Variants in PUS10 observed in about 807,000 individuals in gnomAD.
PUS10 encodes the protein pseudouridine synthase 10, also known as tRNA pseudouridine synthase Pus10.
PUS10 carries 59 observed loss-of-function variants against 75.0 expected under a neutral mutation model. The observed-to-expected ratio is 0.79, with a 90% confidence interval of 0.64 to 0.98. PUS10 has a LOEUF of 0.98. Ranked by LOEUF, PUS10 falls within the 50% of genes least tolerant of loss-of-function variation. The probability of loss-of-function intolerance (pLI) is 0.00; values close to 1 mark genes in which losing one functional copy is unlikely to be tolerated. For missense variants in PUS10, 650 were observed against 614.4 expected (o/e 1.06, Z -0.61); for synonymous variants, 219 against 211.6 (o/e 1.03, Z -0.30).
intron 5 of PUS10, among the ~76,000 whole-genome samples, chr2:60,970,708 A>G (rs573753299): frequency 4.9e-4 from 75 of 152,314 alleles, no homozygotes; most frequent in African/African-American, 1.7e-3. Context: ...TCACATTTTA[A>G]AAATCCAAAA....
chr2:60,996,468 C>T (rs563150995), intron 4 of PUS10, among the ~76,000 whole-genome samples: 1 of 152,066 alleles, frequency 6.6e-6, no homozygotes, highest in South Asian at 2.1e-4. Context: ...ATCTTCTGAC[C>T]TTTAGTGATG....
intron 4 of PUS10, among the ~76,000 whole-genome samples, chr2:60,972,691 C>G (rs990567080): frequency 6.6e-6 from 1 of 152,088 alleles, no homozygotes; most frequent in Admixed American, 6.6e-5. Context: ...CAAAAAAAGG[C>G]CAACGATTAT....
chr2:61,013,932 C>T (rs978282104), intron 1 of PUS10, among the ~76,000 whole-genome samples: 3 of 150,552 alleles, frequency 2.0e-5, no homozygotes, highest in Non-Finnish European at 4.4e-5. Flanking sequence ...GAGTGAGATG[C>T]TGTCTCAAAA....
Position 60,992,626 on chromosome 2 carries a change from T to C in PUS10, c.468+13931A>G, listed in dbSNP as rs188150375. On this transcript the variant is annotated intron_variant, in intron 4 of 17. Coordinates refer to ENST00000316752, the MANE Select transcript of PUS10 (RefSeq NM_144709.4). Reference sequence around the variant, plus strand: ...TAAATTCTAAATAGAAATCACTTCATATTATGCTTCTTAATATAAGACTAA... The same window carrying C: ...TAAATTCTAAATAGAAATCACTTCACATTATGCTTCTTAATATAAGACTAA... Among the ~76,000 whole-genome samples the C allele has an allele frequency of 3.3e-5, 5 of 152,348 alleles. No individual in the cohort carries two copies. The East Asian group carries it at 9.6e-4, about 29-fold the overall frequency.
intron 9 of PUS10, 58 bp downstream of exon 9, chr2:60,962,767 TA>T: frequency 6.5e-7 from 1 of 1,542,960 alleles, no homozygotes; most frequent in African/African-American, 1.4e-5. Flanking sequence ...AGCTTATCTC[TA>T]ACATTCCCTT....
chr2:60,970,746 T>C (rs1216458087), intron 5 of PUS10, among the ~76,000 whole-genome samples: 4 of 152,206 alleles, frequency 2.6e-5, no homozygotes, highest in Admixed American at 2.6e-4. Flanking sequence ...ACTTTTGGCC[T>C]CCAAGTGTTT....
At position 60,940,646 on chromosome 2, in the gene PUS10, TA is replaced by T. The variant is rs1558842482; in HGVS notation, c.*1748del. ...TAGAAATCTTCTCATTTCAGTTTGC[TA>T]AGCACATTCTTCATTCTTACATATT... On this transcript the variant is annotated 3_prime_UTR_variant, in exon 18 of 18. Coordinates refer to ENST00000316752, the MANE Select transcript of PUS10 (RefSeq NM_144709.4). 5 of 152,458 alleles carry T rather than the reference TA, an allele frequency of 3.3e-5. No homozygotes were observed. In the South Asian group the frequency reaches 6.2e-4, roughly 19 times the overall value. 9.4% of individuals were successfully genotyped at this position (152,458 alleles called of 1,614,324 possible). A position where few individuals can be genotyped will look rare whatever the true frequency, so the allele number is the denominator to read the frequency against.
chr2:60,988,305 A>C lies in PUS10; in HGVS notation c.469-16748T>G, dbSNP rs1677850581. 2.0e-5 allele frequency among the ~76,000 whole-genome samples: 3 copies of C among 152,156 alleles called. No individual in the cohort carries two copies. In the South Asian group the frequency reaches 6.2e-4, roughly 31 times the overall value. On this transcript the variant is annotated intron_variant, in intron 4 of 17. Transcript: ENST00000316752. ...ACTGTTAGGTGTAAATTCTAATATT[A>C]ATTGCCAAAAAGAATATAAACTACT...
At chr2:60,967,313 G>A (rs150858426) in intron 6 of PUS10, 189 bp downstream of exon 6, 83 of 448,432 alleles carry the variant, frequency 1.9e-4, no homozygotes, top group South Asian at 6.1e-4. Context: ...GAAGTCTAAG[G>A]GAAAAAGAAA....
chr2:60,947,234 G>T (rs1675000752), intron 16 of PUS10, among the ~76,000 whole-genome samples: 1 of 151,948 alleles, frequency 6.6e-6, no homozygotes, highest in South Asian at 2.1e-4. Context: ...TTTTCACAAG[G>T]CACGTAGACA....
At position 60,955,034 on chromosome 2, in the gene PUS10, C is replaced by T; in HGVS notation, c.1041G>A (p.Val347=). ...CAGTCTTACCATTTCCTAATGTTCTCACATCTACATCTTCTCTTCCAGAGG... is the reference window on the plus strand; with the variant it reads ...CAGTCTTACCATTTCCTAATGTTCTTACATCTACATCTTCTCTTCCAGAGG... ...FSSSGREDVD[V]RTLGNGRPFA... is the part of the protein sequence containing the mutation. Residue 347 remains valine, a synonymous_variant, in exon 12 of 18, where the codon GTG becomes GTA. Transcript: ENST00000316752. 1 of 1,595,176 alleles carries T rather than the reference C, an allele frequency of 6.3e-7. No homozygotes were observed. Among genetic ancestry groups the T allele is most frequent in the Non-Finnish European group, 8.5e-7 (1 of 1,170,696 alleles).
At chr2:61,017,928 T>C in intron 1 of PUS10, 80 bp downstream of exon 1, 2 of 1,436,234 alleles carry the variant, frequency 1.4e-6, no homozygotes, top group Non-Finnish European at 1.9e-6. Flanking sequence ...GTAGCGGTTG[T>C]TAGTGGAGGT....
chr2:60,988,088 AAAAT>A (rs554302593), intron 4 of PUS10, among the ~76,000 whole-genome samples: 13 of 151,866 alleles, frequency 8.6e-5, no homozygotes, highest in East Asian at 5.8e-4. Flanking sequence ...GACTCCGTCT[AAAAT>A]AAATAAATAA....
rs7602846 is a variant in PUS10 at position 61,017,951 on chromosome 2, C to G, written c.-16+57G>C. 2.4e-3 allele frequency: 3,333 copies of G among 1,378,456 alleles called. 40 individuals are homozygous for G. The African/African-American group carries it at 0.032, about 13-fold the overall frequency. 85.4% of individuals were successfully genotyped at this position (1,378,456 alleles called of 1,614,324 possible). A position where few individuals can be genotyped will look rare whatever the true frequency, so the allele number is the denominator to read the frequency against. Reference sequence around the variant, plus strand: ...TGTTAGTGGAGGTATTCCCTTCCCCCCTTTAACCAATACCCAACCTTGGGG... The same window carrying G: ...TGTTAGTGGAGGTATTCCCTTCCCCGCTTTAACCAATACCCAACCTTGGGG... On this transcript the variant is annotated intron_variant, in intron 1 of 17. Transcript: ENST00000316752.
chr2:61,010,827 C>G (rs1315942743), intron 2 of PUS10: 14 of 1,550,310 alleles, frequency 9.0e-6, no homozygotes, highest in Admixed American at 3.9e-5. Flanking sequence ...CTAGCTTGCT[C>G]ACTTAATAGC....
intron 4 of PUS10, among the ~76,000 whole-genome samples, chr2:60,987,217 G>A (rs1303857881): frequency 2.0e-5 from 3 of 152,172 alleles, no homozygotes. Context: ...GTTAACAGGT[G>A]TGCAAGACGT....
intron 4 of PUS10, among the ~76,000 whole-genome samples, chr2:60,974,772 C>T (rs967747753): frequency 2.0e-5 from 3 of 152,232 alleles, no homozygotes; most frequent in African/African-American, 7.2e-5. Context: ...CTGCAGCCAG[C>T]GTGCCTGCTG....
chr2:60,977,825 TG>T (rs1314946722), intron 4 of PUS10, among the ~76,000 whole-genome samples: 1 of 152,180 alleles, frequency 6.6e-6, no homozygotes, highest in Non-Finnish European at 1.5e-5. Flanking sequence ...CTTCTCTCTC[TG>T]GGTTTCTCAA....
intron 1 of PUS10, among the ~76,000 whole-genome samples, chr2:61,013,118 T>C (rs1047030685): frequency 1.3e-5 from 2 of 151,636 alleles, no homozygotes; most frequent in African/African-American, 4.8e-5. Context: ...CTGGGCATGG[T>C]GGTACACACC....
Sources: allele counts gnomAD v4.1 joint callset (sites outside exome capture counted in the v4.1 genomes callset), GRCh38; gene constraint gnomAD v4.1.1; transcripts MANE v1.5; gene names NCBI Gene and HGNC (gene_info 2026-07-23, HGNC 2026-07-21).